The following CCDC30 variants were observed in gnomAD, a reference collection of about 807,000 sequenced individuals.
CCDC30 encodes the protein coiled-coil domain-containing protein 30.
CCDC30 carries 70 observed loss-of-function variants against 100.2 expected under a neutral mutation model. That is an observed-to-expected ratio of 0.70 (90% CI 0.58 to 0.85). The LOEUF is 0.85. Ranked by LOEUF, CCDC30 falls within the 40% of genes least tolerant of loss-of-function variation. The pLI is 0.00. For missense variants in CCDC30, 652 were observed against 771.2 expected (o/e 0.85, Z 1.83); for synonymous variants, 233 against 269.5 (o/e 0.86, Z 1.33).
intron 7 of CCDC30, among the ~76,000 whole-genome samples, chr1:42,573,731 C>T (rs1645780224): frequency 6.6e-6 from 1 of 151,398 alleles, no homozygotes; most frequent in Non-Finnish European, 1.5e-5. Flanking sequence ...GATATTTTAT[C>T]CAAATGTACT....
intron 4 of CCDC30, among the ~76,000 whole-genome samples, chr1:42,493,592 G>GA (rs1047888611): frequency 1.3e-4 from 19 of 149,744 alleles, no homozygotes; most frequent in Admixed American, 6.0e-4. Flanking sequence ...TCTCAAAAAA[G>GA]AAAAAAAAAT....
chr1:42,458,375 A>G (rs115148849), upstream of CCDC30, among the ~76,000 whole-genome samples: 12 of 152,146 alleles, frequency 7.9e-5, no homozygotes, highest in Non-Finnish European at 1.5e-5. Context: ...AGGAGTTCTT[A>G]GTCATTTATT....
chr1:42,518,813 T>A (rs935395662), intron 6 of CCDC30, among the ~76,000 whole-genome samples: 2 of 152,252 alleles, frequency 1.3e-5, no homozygotes. Context: ...TGGCTAAGAC[T>A]TCCAGTACTT....
chr1:42,610,974 TC>T lies in CCDC30; in HGVS notation c.1165-3del. 6.5e-7 allele frequency: 1 copy of T among 1,528,958 alleles called. No homozygotes were observed. The highest frequency in any genetic ancestry group is 1.1e-5 in the South Asian group (1 of 88,756). The allele number at this position is 1,528,958 out of a possible 1,614,324, so 94.7% of individuals were successfully genotyped here. On this transcript the variant is annotated splice_polypyrimidine_tract_variant and splice_region_variant and intron_variant, in intron 10 of 16. Coordinates refer to ENST00000668663, the Ensembl canonical transcript of CCDC30. ...AGTTCTCATTATTTTTCAATGTTTT[TC>T]AGCATGTCAAAAGCAACCAGGAATT...
intron 10 of CCDC30, among the ~76,000 whole-genome samples, chr1:42,603,343 C>T (rs1027317073): frequency 6.6e-6 from 1 of 152,194 alleles, no homozygotes; most frequent in African/African-American, 2.4e-5. Context: ...ACAGAGCCCT[C>T]ATGACTTAAT....
chr1:42,491,738 C>T, intron 4 of CCDC30: 1 of 260,962 alleles, frequency 3.8e-6, no homozygotes, highest in Non-Finnish European at 7.6e-6. Context: ...TGAGCAGCAC[C>T]ATGGCTGTTG....
chr1:42,548,831 T>C (rs767263842), intron 6 of CCDC30, among the ~76,000 whole-genome samples: 1 of 152,102 alleles, frequency 6.6e-6, no homozygotes, highest in Non-Finnish European at 1.5e-5. Flanking sequence ...GAGTCTTCAA[T>C]TGAAGTGAAG....
chr1:42,579,432 G>C (rs1459051037), intron 8 of CCDC30, among the ~76,000 whole-genome samples: 1 of 149,060 alleles, frequency 6.7e-6, no homozygotes, highest in South Asian at 2.2e-4. Context: ...TCAGGAGTTC[G>C]AGACCAGCCT....
the CCDC30 span, chr1:42,457,012 C>A: frequency 6.2e-7 from 1 of 1,602,036 alleles, no homozygotes; most frequent in Non-Finnish European, 8.5e-7. Context: ...CAGTAGAGTT[C>A]ACCACTTTGG....
rs58751072 is a variant in CCDC30 at position 42,542,539 on chromosome 1, CTTTTTTT to C, written c.457-23741_457-23735del. Among the ~76,000 whole-genome samples the C allele has an allele frequency of 1.2e-4, 9 of 75,576 alleles. 1 individual carries two copies. The highest frequency in any genetic ancestry group is 6.4e-4 in the South Asian group (1 of 1,554). The allele number at this position is 75,576 out of a possible 152,430, so 49.6% of individuals were successfully genotyped here. A position where few individuals can be genotyped will look rare whatever the true frequency, so the allele number is the denominator to read the frequency against. ...CACACCTGGCTAATTTTAAATTTTT[CTTTTTTT>C]TTTTTTTTTTTTTTTGAGACGGAGT... On this transcript the variant is annotated intron_variant, in intron 6 of 16. Coordinates refer to ENST00000668663, the Ensembl canonical transcript of CCDC30.
At chr1:42,514,501 A>G (rs1159589692) in intron 6 of CCDC30, among the ~76,000 whole-genome samples, 1 of 152,210 alleles carries the variant, frequency 6.6e-6, no homozygotes, top group African/African-American at 2.4e-5. Context: ...GATACTGAGT[A>G]TCTGCCTTTT....
intron 6 of CCDC30, among the ~76,000 whole-genome samples, chr1:42,553,316 T>C (rs1228631663): frequency 6.6e-6 from 1 of 152,082 alleles, no homozygotes; most frequent in Non-Finnish European, 1.5e-5. Context: ...AGCCATGTCG[T>C]TCCTTGGGTC....
At chr1:42,498,725 A>G in intron 5 of CCDC30, 93 bp from the exon 6 acceptor site, 1 of 518,842 alleles carries the variant, frequency 1.9e-6, no homozygotes, top group Non-Finnish European at 3.0e-6. Context: ...AGGAGAATGT[A>G]TTTATATATT....
At chr1:42,556,879 T>C (rs1192243567) in intron 6 of CCDC30, among the ~76,000 whole-genome samples, 1 of 152,210 alleles carries the variant, frequency 6.6e-6, no homozygotes, top group African/African-American at 2.4e-5. Flanking sequence ...ACATTTTCCA[T>C]TTCTGGTATG....
chr1:42,563,142 G>C (rs1645529390), intron 6 of CCDC30, among the ~76,000 whole-genome samples: 1 of 152,144 alleles, frequency 6.6e-6, no homozygotes, highest in Admixed American at 6.6e-5. Flanking sequence ...CTACTGTAAA[G>C]ACACATGCAC....
intron 12 of CCDC30, among the ~76,000 whole-genome samples, chr1:42,637,661 G>T (rs1466969075): frequency 6.6e-6 from 1 of 152,172 alleles, no homozygotes; most frequent in Non-Finnish European, 1.5e-5. Context: ...GAACACTCCT[G>T]AGCACAGACT....
intron 6 of CCDC30, among the ~76,000 whole-genome samples, chr1:42,526,655 A>AT (rs1000523154): frequency 1.5e-4 from 23 of 152,038 alleles, no homozygotes; most frequent in Middle Eastern, 3.4e-3. Context: ...TTTAAAATCA[A>AT]TTTTTTTTAT....
At chr1:42,488,828 G>T (rs1644091771) in intron 3 of CCDC30, among the ~76,000 whole-genome samples, 1 of 152,180 alleles carries the variant, frequency 6.6e-6, no homozygotes, top group Non-Finnish European at 1.5e-5. Flanking sequence ...AATACAGTTT[G>T]GAAGCCCCTG....
chr1:42,636,621 G>A (rs1244041869), intron 11 of CCDC30, among the ~76,000 whole-genome samples: 1 of 151,984 alleles, frequency 6.6e-6, no homozygotes, highest in African/African-American at 2.4e-5. Context: ...AAAAAATCAA[G>A]GAGTTTCCTA....
Sources: gnomAD v4.1 joint callset for allele counts (sites outside exome capture counted in the v4.1 genomes callset) on GRCh38, gnomAD v4.1.1 for gene constraint, MANE v1.5 for transcripts, NCBI Gene and HGNC (gene_info 2026-07-23, HGNC 2026-07-21) for gene names.